SUGCT: variants seen among roughly 807,000 people sequenced by gnomAD.
SUGCT encodes succinyl-CoA:glutarate CoA-transferase.
SUGCT carries 41 observed loss-of-function variants against 55.0 expected under a neutral mutation model. The ratio of observed to expected loss-of-function variants is 0.74; its 90% confidence interval spans 0.58 to 0.97. The LOEUF (loss-of-function observed/expected upper bound fraction) is 0.97, where lower values mean the gene tolerates loss of function less well. Among genes scored for constraint, SUGCT ranks in the 50% least tolerant of loss-of-function variants. The pLI is 0.00. For missense variants in SUGCT, 568 were observed against 547.8 expected, an observed-to-expected ratio of 1.04 and a Z score of -0.37; for synonymous variants, 187 against 200.4, an observed-to-expected ratio of 0.93 and a Z score of 0.56.
At chr7:40,324,923 T>A (rs1484935607) in intron 9 of SUGCT, among the ~76,000 whole-genome samples, 1 of 152,252 alleles carries the variant, frequency 6.6e-6, no homozygotes, top group Non-Finnish European at 1.5e-5. Context: ...AAGTAGCTTC[T>A]AACTCAAGAG....
In SUGCT at chr7:40,337,953, A is replaced by G. The variant is rs56007816; in HGVS notation, c.816+21098A>G. Among the ~76,000 whole-genome samples, 194 of 152,166 alleles carry G rather than the reference A, an allele frequency of 1.3e-3. 1 individual carries two copies. Among genetic ancestry groups the G allele is most frequent in the African/African-American group, 4.5e-3 (186 of 41,524 alleles). The stretch of plus-strand genomic sequence containing the variant: ...TTGTAGGACAGGCCTGGTGGTGACA[A>G]AATCTCTCAGCATTTGCTTGTCTGT... On this transcript the variant is annotated intron_variant, in intron 9 of 13. Coordinates refer to ENST00000335693, the MANE Select transcript of SUGCT (RefSeq NM_001193313.2).
rs1554296332 is a variant in SUGCT at position 40,249,313 on chromosome 7, C to CTATATGTATATATA, written c.576+11592_576+11593insGTATATATATATAT. On this transcript the variant is annotated intron_variant, in intron 7 of 13. Transcript: ENST00000335693. ...TCTTAAAACAAAAAACACCAAAAAG[C>CTATATGTATATATA]TATATATATATATATATATATATAT... Among the ~76,000 whole-genome samples, 6 of 79,512 alleles carry CTATATGTATATATA rather than the reference C, an allele frequency of 7.5e-5. 1 individual carries two copies. In the South Asian group the frequency reaches 2.8e-3, roughly 37 times the overall value. The allele number at this position is 79,512 out of a possible 152,430, so 52.2% of individuals were successfully genotyped here. A position where few individuals can be genotyped will look rare whatever the true frequency, so the allele number is the denominator to read the frequency against.
intron 12 of SUGCT, among the ~76,000 whole-genome samples, chr7:40,642,550 A>G (rs1800317602): frequency 6.6e-6 from 1 of 152,114 alleles, no homozygotes; most frequent in African/African-American, 2.4e-5. Flanking sequence ...GCTGCACTAT[A>G]TTTACTGGTC....
At chr7:40,825,847 T>C (rs1053267769) in intron 13 of SUGCT, among the ~76,000 whole-genome samples, 1 of 152,238 alleles carries the variant, frequency 6.6e-6, no homozygotes, top group African/African-American at 2.4e-5. Context: ...GAAACTCGTA[T>C]TTCAATGTTA....
At chr7:41,005,610 C>A in the SUGCT span, among the ~76,000 whole-genome samples, 3 of 152,190 alleles carry the variant, frequency 2.0e-5, no homozygotes, top group African/African-American at 7.2e-5. Flanking sequence ...CCTCTTTTTA[C>A]TCTGTGCTGT....
intron 12 of SUGCT, among the ~76,000 whole-genome samples, chr7:40,592,651 A>T (rs1323634125): frequency 6.6e-6 from 1 of 152,104 alleles, no homozygotes; most frequent in Non-Finnish European, 1.5e-5. Flanking sequence ...TTGTTTTTAG[A>T]TTCCGTATTT....
rs188800661 is a variant in SUGCT, at chr7:40,594,893, G to A, written c.1089+98507G>A. ...TTAACCCTTCAAGCCACTCTGCTAC[G>A]TTTAGAATGAAGATGAGATCCTCAA... On this transcript the variant is annotated intron_variant, in intron 12 of 13. Coordinates refer to ENST00000335693, the MANE Select transcript of SUGCT (RefSeq NM_001193313.2). 7.9e-5 allele frequency among the ~76,000 whole-genome samples: 12 copies of A among 152,254 alleles called. No individual in the cohort carries two copies. The East Asian group carries it at 1.9e-3, about 24-fold the overall frequency.
intron 12 of SUGCT, among the ~76,000 whole-genome samples, chr7:40,600,437 C>T (rs564963592): frequency 3.9e-5 from 6 of 152,280 alleles, no homozygotes; most frequent in African/African-American, 1.2e-4. Flanking sequence ...AGAATGTCAT[C>T]TAAGGTATTC....
intron 1 of SUGCT, among the ~76,000 whole-genome samples, chr7:40,151,411 C>T (rs1788564866): frequency 6.6e-6 from 1 of 152,194 alleles, no homozygotes; most frequent in Non-Finnish European, 1.5e-5. Flanking sequence ...TTTTCACTGG[C>T]TTCAGCTGCC....
chr7:40,807,916 C>G (rs949472050), intron 13 of SUGCT, among the ~76,000 whole-genome samples: 11 of 152,182 alleles, frequency 7.2e-5, no homozygotes, highest in Admixed American at 4.6e-4. Flanking sequence ...CTAAACCAGT[C>G]TAGCCTTTTT....
chr7:41,032,057 G>A, the SUGCT span, among the ~76,000 whole-genome samples: 1 of 152,120 alleles, frequency 6.6e-6, no homozygotes, highest in African/African-American at 2.4e-5. Context: ...TGAAGCACAT[G>A]CTAAAAGCTG....
At chr7:40,575,120 G>A (rs1314490710) in intron 12 of SUGCT, among the ~76,000 whole-genome samples, 7 of 137,002 alleles carry the variant, frequency 5.1e-5, no homozygotes, top group Non-Finnish European at 7.4e-5. Flanking sequence ...GGAGGGTGGC[G>A]GGGGTGGGGG....
At chr7:40,229,295 G>A (rs1430109330) in intron 6 of SUGCT, among the ~76,000 whole-genome samples, 2 of 152,200 alleles carry the variant, frequency 1.3e-5, no homozygotes, top group Non-Finnish European at 2.9e-5. Context: ...AAGGCGGGTG[G>A]ATCACCTGAG....
In SUGCT at chr7:40,316,815, A is replaced by C. The variant is rs1269848936; in HGVS notation, c.776A>C (p.Lys259Thr). ...TATCTTATTGGTCAAAAGGAAGCAA[A>C]ACGTTGGGGTACAGCTCATGGCAGT... The part of the protein sequence containing the change: ...ANYLIGQKEA[K>T]RWGTAHGSIV... Residue 259 changes from lysine (K) to threonine (T), a missense_variant, in exon 9 of 14, where the codon AAA becomes ACA. Coordinates refer to ENST00000335693, the MANE Select transcript of SUGCT (RefSeq NM_001193313.2). 4.4e-6 allele frequency: 7 copies of C among 1,602,896 alleles called. No homozygotes were observed. The highest frequency in any genetic ancestry group is 6.0e-6 in the Non-Finnish European group (7 of 1,174,206).
the SUGCT span, among the ~76,000 whole-genome samples, chr7:40,907,854 T>C: frequency 7.9e-5 from 12 of 152,312 alleles, no homozygotes; most frequent in African/African-American, 2.9e-4. Flanking sequence ...AATTGAGATA[T>C]TGTAACAAGA....
intron 6 of SUGCT, among the ~76,000 whole-genome samples, chr7:40,236,442 C>CAAAAA (rs60720770): frequency 1.3e-4 from 12 of 90,020 alleles, no homozygotes; most frequent in African/African-American, 2.0e-4. Flanking sequence ...TTTCTGATGG[C>CAAAAA]AAAAAAAAAA....
At position 40,258,115 on chromosome 7, in the gene SUGCT, C is replaced by G. The variant is rs1301011705; in HGVS notation, c.577-16398C>G. ...CTTCTAAAATCTATGCACATACTCT[C>G]TTTCCCACCATCATAGGTAACAAAC... On this transcript the variant is annotated intron_variant, in intron 7 of 13. Coordinates refer to ENST00000335693, the MANE Select transcript of SUGCT (RefSeq NM_001193313.2). Among the ~76,000 whole-genome samples, 17 of 152,288 alleles carry G rather than the reference C, an allele frequency of 1.1e-4. No homozygotes were observed. In the East Asian group the frequency reaches 2.7e-3, roughly 24 times the overall value.
intron 12 of SUGCT, among the ~76,000 whole-genome samples, chr7:40,672,018 A>G (rs983108628): frequency 1.3e-5 from 2 of 152,196 alleles, no homozygotes; most frequent in Non-Finnish European, 2.9e-5. Context: ...GAGAACCCAG[A>G]AATAGATCCC....
intron 9 of SUGCT, among the ~76,000 whole-genome samples, chr7:40,348,848 G>C (rs1433449314): frequency 6.7e-6 from 1 of 149,890 alleles, no homozygotes; most frequent in Admixed American, 6.6e-5. Flanking sequence ...TGACTTCTCA[G>C]TTAGTGCTGT....
Sources: gnomAD v4.1 joint callset for allele counts (sites outside exome capture counted in the v4.1 genomes callset) on GRCh38, gnomAD v4.1.1 for gene constraint, MANE v1.5 for transcripts, NCBI Gene and HGNC (gene_info 2026-07-23, HGNC 2026-07-21) for gene names.